The following ZFR2 variants were observed in gnomAD, a reference collection of about 807,000 sequenced individuals.
The protein encoded by ZFR2 is zinc finger RNA-binding protein 2.
ZFR2 carries 104 observed loss-of-function variants against 105.7 expected under a neutral mutation model. The observed-to-expected ratio is 0.98, with a 90% CI of 0.84 to 1.16. The LOEUF is 1.16. Among genes scored for constraint, ZFR2 ranks in the 50% most tolerant of loss-of-function variants. The pLI is 0.00. For synonymous variants in ZFR2, 634 were observed against 597.7 expected, an observed-to-expected ratio of 1.06 and a Z score of -0.89; for missense variants, 1,425 against 1,355.5, an observed-to-expected ratio of 1.05 and a Z score of -0.80.
In ZFR2 at chr19:3,819,232, C is replaced by T. The variant is rs201155220; in HGVS notation, c.1744G>A (p.Gly582Arg). 232 of 1,539,126 alleles carry T rather than the reference C, an allele frequency of 1.5e-4. No homozygotes were observed. The African/African-American group carries it at 1.9e-3, about 13-fold the overall frequency. The change falls in exon 12 of 19, where the codon GGG becomes AGG. Residue 582 changes from glycine to arginine, a missense_variant. Gly to Arg is a moderately radical substitution (Grantham distance 125, BLOSUM62 -2). Transcript: ENST00000262961. ...TCGTCGCTGGACGCCGGCCGCCGCC[C>T]GGGCTGTGGGGAGAGGCCGCACGTG... ...ESPASAPLQP[G>R]RRPASSDDRH... is the part of the protein sequence containing the mutation.
At chr19:3,818,540 G>A (rs967742169) in intron 12 of ZFR2, among the ~76,000 whole-genome samples, 5 of 152,146 alleles carry the variant, frequency 3.3e-5, no homozygotes, top group African/African-American at 1.2e-4. Flanking sequence ...TTGAAAAAAG[G>A]TAACTCCCGC....
chr19:3,825,760 CT>C (rs962542833), intron 6 of ZFR2, among the ~76,000 whole-genome samples: 1 of 152,134 alleles, frequency 6.6e-6, no homozygotes, highest in African/African-American at 2.4e-5. Flanking sequence ...CTAGTGCTCC[CT>C]GACTGCCCGG....
chr19:3,854,535 A>G (rs987621974), intron 1 of ZFR2, among the ~76,000 whole-genome samples: 1 of 152,272 alleles, frequency 6.6e-6, no homozygotes, highest in South Asian at 2.1e-4. Context: ...GACCAAAACC[A>G]AAAGTCGATT....
Position 3,838,038 on chromosome 19 carries a change from C to A in ZFR2, c.54-3055G>T, listed in dbSNP as rs543644769. Among the ~76,000 whole-genome samples, 1 of 151,018 alleles carries A rather than the reference C, an allele frequency of 6.6e-6. No homozygotes were observed. Among genetic ancestry groups the A allele is most frequent in the East Asian group, 2.0e-4 (1 of 5,050 alleles). On this transcript the variant is annotated intron_variant, in intron 1 of 18. Coordinates refer to ENST00000262961, the MANE Select transcript of ZFR2 (RefSeq NM_015174.2). The surrounding 1 kb of genome is among the most constrained non-coding windows in gnomAD (Gnocchi z 4.9). ...CTTGATGAACACCGTGACTGTGACACACGATGAACACCATGACCGTGACAC... is the reference window on the plus strand; with the variant it reads ...CTTGATGAACACCGTGACTGTGACAAACGATGAACACCATGACCGTGACAC...
chr19:3,848,168 T>G (rs1433110300), intron 1 of ZFR2, among the ~76,000 whole-genome samples: 3 of 152,016 alleles, frequency 2.0e-5, no homozygotes, highest in East Asian at 1.9e-4. Flanking sequence ...TCCCAGTACT[T>G]TGGGAGGCCG....
In ZFR2 at chr19:3,813,588, C is replaced by A. The variant is rs1289248685; in HGVS notation, c.2242+232G>T. On this transcript the variant is annotated intron_variant, in intron 14 of 18. Coordinates refer to ENST00000262961, the MANE Select transcript of ZFR2 (RefSeq NM_015174.2). This position sits in a 1 kb window ranked among gnomAD's most constrained non-coding sequence, Gnocchi z 4.4. ...GTCGCTTGCCCGAGCAAGGCCCCTG[C>A]AGCCAGGCTCTGAGCCCATCTGATG... Among the ~76,000 whole-genome samples, 1 of 152,228 alleles carries A rather than the reference C, an allele frequency of 6.6e-6. No individual in the cohort carries two copies. Among genetic ancestry groups the A allele is most frequent in the Non-Finnish European group, 1.5e-5 (1 of 68,044 alleles).
intron 5 of ZFR2, among the ~76,000 whole-genome samples, chr19:3,829,466 G>GTA (rs1053628779): frequency 1.2e-4 from 18 of 152,048 alleles, no homozygotes; most frequent in African/African-American, 4.1e-4. Context: ...GTGTGTGTGT[G>GTA]TGTGTGTGTG....
At chr19:3,808,281 G>A (rs990647643) in intron 17 of ZFR2, among the ~76,000 whole-genome samples, 11 of 152,236 alleles carry the variant, frequency 7.2e-5, no homozygotes, top group East Asian at 3.8e-4. Flanking sequence ...ATGCCTACAC[G>A]TGTGCTTTAC....
In ZFR2 at chr19:3,822,111, C is replaced by T. The variant is rs199938542; in HGVS notation, c.1461G>A (p.Val487=). 172 of 1,609,292 alleles carry T rather than the reference C, an allele frequency of 1.1e-4. 1 individual carries two copies. In the African/African-American group the frequency reaches 2.1e-3, roughly 20 times the overall value. Residue 487 remains valine (V), a synonymous_variant, in exon 9 of 19, where the codon GTG becomes GTA. Coordinates refer to ENST00000262961, the MANE Select transcript of ZFR2 (RefSeq NM_015174.2). ...ACTGCAGCCGGTGCCGCCGCCCCCT[C>T]ACGTGCAGGTCCTTCGCGTTAAGGT... ...FNDLNAKDLH[V]RGRRHRLQYR...
intron 1 of ZFR2, among the ~76,000 whole-genome samples, chr19:3,857,351 A>G (rs904476351): frequency 6.6e-6 from 1 of 151,884 alleles, no homozygotes; most frequent in African/African-American, 2.4e-5. Context: ...CAGGCTGTCA[A>G]TTTTCAAAGT....
At chr19:3,824,752 C>T (rs1276696506) in intron 7 of ZFR2, among the ~76,000 whole-genome samples, 1 of 152,190 alleles carries the variant, frequency 6.6e-6, no homozygotes, top group Non-Finnish European at 1.5e-5. Flanking sequence ...GCCTGGCCAA[C>T]ATGGTGAAAC....
At chr19:3,847,130 A>G (rs1332666967) in intron 1 of ZFR2, among the ~76,000 whole-genome samples, 3 of 152,200 alleles carry the variant, frequency 2.0e-5, no homozygotes, top group Non-Finnish European at 4.4e-5. Context: ...CATGGCGGCC[A>G]GCTTCCTCCA....
chr19:3,817,432 G>A (rs1353261676), intron 12 of ZFR2, among the ~76,000 whole-genome samples: 1 of 151,756 alleles, frequency 6.6e-6, no homozygotes, highest in Non-Finnish European at 1.5e-5. Context: ...GGTGGCGGGT[G>A]CCTGTAATCT....
intron 1 of ZFR2, among the ~76,000 whole-genome samples, chr19:3,849,327 C>A (rs1195666344): frequency 6.6e-6 from 1 of 152,238 alleles, no homozygotes; most frequent in Admixed American, 6.5e-5. Context: ...GTGGACACCC[C>A]ACCTAAGAGG....
intron 8 of ZFR2, among the ~76,000 whole-genome samples, chr19:3,822,697 C>A (rs1003147906): frequency 6.6e-6 from 1 of 152,120 alleles, no homozygotes; most frequent in African/African-American, 2.4e-5. Flanking sequence ...GCCTCGGTGA[C>A]ACAGCAAGAC....
At chr19:3,832,649 T>C (rs1210293149) in intron 3 of ZFR2, among the ~76,000 whole-genome samples, 3 of 150,612 alleles carry the variant, frequency 2.0e-5, no homozygotes, top group Admixed American at 1.3e-4. Context: ...TTATTTTTTA[T>C]TTTTTAGAGA....
chr19:3,812,438 G>A (rs377046600), intron 14 of ZFR2, among the ~76,000 whole-genome samples: 10 of 152,090 alleles, frequency 6.6e-5, no homozygotes, highest in African/African-American at 2.2e-4. Context: ...GAGAGGAAGC[G>A]GGGGCAGGAA....
intron 1 of ZFR2, among the ~76,000 whole-genome samples, chr19:3,864,359 G>C (rs1167460107): frequency 6.6e-6 from 1 of 151,328 alleles, no homozygotes; most frequent in Non-Finnish European, 1.5e-5. Flanking sequence ...CTGGGCAACA[G>C]AGTGAGATCC....
At chr19:3,809,598 G>A (rs559205508) in intron 16 of ZFR2, among the ~76,000 whole-genome samples, 88 of 152,280 alleles carry the variant, frequency 5.8e-4, no homozygotes, top group Admixed American at 2.1e-3. Flanking sequence ...CACCCAGCAC[G>A]GAGGCTACTG....
Sources: allele counts gnomAD v4.1 joint callset (sites outside exome capture counted in the v4.1 genomes callset), GRCh38; gene constraint gnomAD v4.1.1; non-coding constraint Gnocchi (gnomAD v3.1); transcripts MANE v1.5; gene names NCBI Gene and HGNC (gene_info 2026-07-23, HGNC 2026-07-21).